CD82: variants seen among roughly 807,000 people sequenced by gnomAD.
CD82 encodes the protein CD82 antigen.
Under a neutral mutation model 37.4 loss-of-function variants are expected in CD82, and 36 were observed. That is an observed-to-expected ratio of 0.96 (90% CI 0.74 to 1.27). The LOEUF (loss-of-function observed/expected upper bound fraction) is 1.27, where lower values mean the gene tolerates loss of function less well. Among genes scored for constraint, CD82 ranks in the 50% most tolerant of loss-of-function variants. The pLI, the probability that CD82 is intolerant of heterozygous loss-of-function variation, is 0.00. For missense variants in CD82, 340 were observed against 347.0 expected (o/e 0.98, Z 0.16); for synonymous variants, 158 against 137.4 (o/e 1.15, Z -1.05).
intron 1 of CD82, among the ~76,000 whole-genome samples, chr11:44,584,317 G>T (rs967422671): frequency 2.0e-5 from 3 of 152,140 alleles, no homozygotes; most frequent in African/African-American, 7.2e-5. Context: ...ACAGAGTTTT[G>T]TTCTTGTTGC....
chr11:44,608,902 G>A (rs1288842847), intron 6 of CD82, among the ~76,000 whole-genome samples: 1 of 152,276 alleles, frequency 6.6e-6, no homozygotes, highest in Admixed American at 6.5e-5. Flanking sequence ...GAGATGAAGA[G>A]CACTAACAAA....
upstream of CD82, among the ~76,000 whole-genome samples, chr11:44,564,746 G>C (rs1430916593): frequency 6.6e-6 from 1 of 152,196 alleles, no homozygotes; most frequent in African/African-American, 2.4e-5. Context: ...TGGTTGTTCT[G>C]GGCTACTTCC....
At chr11:44,587,363 G>A (rs761305648) in intron 1 of CD82, 112 bp from the exon 2 acceptor site, 17 of 445,756 alleles carry the variant, frequency 3.8e-5, no homozygotes, top group African/African-American at 6.0e-5. Flanking sequence ...CAACCCTGGC[G>A]GGGCCCCGCC....
At chr11:44,616,806 G>A (rs540390095) in intron 7 of CD82, among the ~76,000 whole-genome samples, 12 of 152,322 alleles carry the variant, frequency 7.9e-5, no homozygotes, top group African/African-American at 2.4e-4. Flanking sequence ...AGGTACAGCC[G>A]GAGTCAGGCC....
At chr11:44,576,281 C>A (rs1260378506) in intron 1 of CD82, among the ~76,000 whole-genome samples, 1 of 152,182 alleles carries the variant, frequency 6.6e-6, no homozygotes, top group Non-Finnish European at 1.5e-5. Flanking sequence ...GTGTACCAGG[C>A]CCTGTCCTGG....
chr11:44,618,976 C>T, intron 9 of CD82, 73 bp from the exon 10 acceptor site: 1 of 1,309,478 alleles, frequency 7.6e-7, no homozygotes, highest in Non-Finnish European at 1.1e-6. Flanking sequence ...CCCATGTAAA[C>T]CTGGATGGTG....
chr11:44,587,074 G>A (rs935471599), intron 1 of CD82, among the ~76,000 whole-genome samples: 1 of 152,236 alleles, frequency 6.6e-6, no homozygotes, highest in African/African-American at 2.4e-5. Context: ...CTGATGACTT[G>A]GTTGGGGCAG....
intron 1 of CD82, among the ~76,000 whole-genome samples, chr11:44,568,137 T>C (rs1852763043): frequency 6.6e-6 from 1 of 152,100 alleles, no homozygotes; most frequent in Non-Finnish European, 1.5e-5. Context: ...AGCAGCACTT[T>C]AGGAAAGTCA....
chr11:44,605,810 A>G (rs1207400446), intron 6 of CD82, among the ~76,000 whole-genome samples: 1 of 152,262 alleles, frequency 6.6e-6, no homozygotes, highest in African/African-American at 2.4e-5. Flanking sequence ...GCATGGCACC[A>G]TAAGTACTCA....
intron 4 of CD82, among the ~76,000 whole-genome samples, chr11:44,601,912 G>T (rs1303108298): frequency 6.6e-6 from 1 of 152,170 alleles, no homozygotes; most frequent in Non-Finnish European, 1.5e-5. Flanking sequence ...CTGAGGCCGG[G>T]GGTGGGGAAA....
At chr11:44,577,420 G>A (rs555851038) in intron 1 of CD82, among the ~76,000 whole-genome samples, 35 of 152,206 alleles carry the variant, frequency 2.3e-4, no homozygotes, top group African/African-American at 6.7e-4. Flanking sequence ...TGGCCAAGCC[G>A]ACTCAACTCT....
chr11:44,610,724 CTCT>C (rs1434619481), intron 6 of CD82, among the ~76,000 whole-genome samples: 1 of 152,206 alleles, frequency 6.6e-6, no homozygotes, highest in African/African-American at 2.4e-5. Context: ...CCTCATTTTT[CTCT>C]TCTGAGAAAT....
Position 44,605,193 on chromosome 11 carries a change from A to T in CD82, c.261+11A>T, listed in dbSNP as rs1327066134. The T allele has an allele frequency of 6.2e-7, 1 of 1,612,338 alleles. No homozygotes were observed. Among genetic ancestry groups the T allele is most frequent in the African/African-American group, 1.3e-5 (1 of 74,840 alleles). On this transcript the variant is annotated intron_variant, in intron 5 of 9. Coordinates refer to ENST00000227155, the MANE Select transcript of CD82 (RefSeq NM_002231.4). ...TGCCTGCTGGGGCTGGTGAGTACGG[A>T]TCCCTCCGCAGCTGCCTGCCCATTT...
chr11:44,598,161 C>A (rs1853255139), intron 3 of CD82, among the ~76,000 whole-genome samples: 1 of 151,880 alleles, frequency 6.6e-6, no homozygotes. Flanking sequence ...GATAATACCT[C>A]AGTGATGATT....
chr11:44,618,971 G>GTAAACC, intron 9 of CD82, 78 bp from the exon 10 acceptor site: 2 of 1,273,234 alleles, frequency 1.6e-6, no homozygotes, highest in Non-Finnish European at 2.3e-6. Context: ...TAATCCCCAT[G>GTAAACC]TAAACCTGGA....
At chr11:44,575,598 C>T (rs1362525672) in intron 1 of CD82, among the ~76,000 whole-genome samples, 1 of 152,160 alleles carries the variant, frequency 6.6e-6, no homozygotes, top group Admixed American at 6.5e-5. Context: ...ATCTGCTGGC[C>T]CTGGACCACA....
At chr11:44,611,112 C>A (rs566874319) in intron 6 of CD82, among the ~76,000 whole-genome samples, 1 of 152,184 alleles carries the variant, frequency 6.6e-6, no homozygotes, top group Non-Finnish European at 1.5e-5. Context: ...TGGGATTACA[C>A]GTGTGAGCCA....
chr11:44,583,253 T>G (rs1853006980), intron 1 of CD82, among the ~76,000 whole-genome samples: 1 of 152,252 alleles, frequency 6.6e-6, no homozygotes. Flanking sequence ...TCAGCTTGAT[T>G]CTTTGGCTGC....
intron 6 of CD82, among the ~76,000 whole-genome samples, chr11:44,611,139 T>A (rs1203375288): frequency 6.6e-6 from 1 of 152,098 alleles, no homozygotes. Flanking sequence ...CCAGCTGAAA[T>A]TCTTAATAAT....
Sources: gnomAD v4.1 joint callset for allele counts (sites outside exome capture counted in the v4.1 genomes callset) on GRCh38, gnomAD v4.1.1 for gene constraint, MANE v1.5 for transcripts, NCBI Gene and HGNC (gene_info 2026-07-23, HGNC 2026-07-21) for gene names.